The following KCNH5 variants were observed in gnomAD, a reference collection of about 807,000 sequenced individuals.
The protein encoded by KCNH5 is potassium voltage-gated channel subfamily H member 5.
In KCNH5, 46 loss-of-function variants were observed where a neutral mutation model predicts 96.1. The observed-to-expected ratio is 0.48, with a 90% CI of 0.38 to 0.61. KCNH5 has a LOEUF of 0.61. KCNH5 is among the 20% of genes least tolerant of loss of function. The pLI, the probability that KCNH5 is intolerant of heterozygous loss-of-function variation, is 0.00. For missense variants in KCNH5, 907 were observed against 1,225.8 expected, an observed-to-expected ratio of 0.74 and a Z score of 3.88; for synonymous variants, 439 against 449.8, an observed-to-expected ratio of 0.98 and a Z score of 0.30.
At chr14:63,000,297 G>A (rs1890987828) in intron 4 of KCNH5, among the ~76,000 whole-genome samples, 1 of 152,134 alleles carries the variant, frequency 6.6e-6, no homozygotes, top group Non-Finnish European at 1.5e-5. Flanking sequence ...AGTTTCCTAA[G>A]AGATTATTAA....
At chr14:62,805,623 T>A (rs903464104) in intron 8 of KCNH5, among the ~76,000 whole-genome samples, 26 of 152,188 alleles carry the variant, frequency 1.7e-4, no homozygotes, top group Admixed American at 6.6e-5. Context: ...AGTAAAATTA[T>A]CATTCAAGAC....
chr14:62,779,154 C>G (rs1886156106), intron 10 of KCNH5, among the ~76,000 whole-genome samples: 1 of 152,204 alleles, frequency 6.6e-6, no homozygotes. Flanking sequence ...AAATTTGTGT[C>G]ACACTCATTG....
chr14:62,847,874 C>T (rs1437025003), intron 8 of KCNH5, among the ~76,000 whole-genome samples: 1 of 152,200 alleles, frequency 6.6e-6, no homozygotes, highest in Non-Finnish European at 1.5e-5. Context: ...ATGGCATGCA[C>T]ACTTTGAGAC....
In KCNH5 at chr14:62,700,267, G is replaced by A. The variant is rs1396856603; in HGVS notation, c.*7241C>T. ...ATTGCTCTTTCAACAAACTACAATG[G>A]ATGTTTTAGGGTAAAAAAATGGTTC... On this transcript the variant is annotated 3_prime_UTR_variant, in exon 11 of 11. Transcript: ENST00000322893. 6.6e-6 allele frequency: 1 copy of A among 152,136 alleles called. No homozygotes were observed. Among genetic ancestry groups the A allele is most frequent in the Admixed American group, 6.6e-5 (1 of 15,260 alleles). The allele number at this position is 152,136 out of a possible 1,614,324, so 9.4% of individuals were successfully genotyped here.
chr14:62,785,857 A>G (rs574239303), intron 9 of KCNH5, among the ~76,000 whole-genome samples: 2 of 152,282 alleles, frequency 1.3e-5, no homozygotes, highest in East Asian at 3.9e-4. Flanking sequence ...GAGACACATT[A>G]TTTGGTGAGT....
rs1471837851 is a variant in KCNH5, at chr14:62,979,966, G to C, written c.942+906C>G. Among the ~76,000 whole-genome samples, 5 of 152,182 alleles carry C rather than the reference G, an allele frequency of 3.3e-5. No individual in the cohort carries two copies. In the East Asian group the frequency reaches 7.7e-4, roughly 23 times the overall value. On this transcript the variant is annotated intron_variant, in intron 6 of 10. Transcript: ENST00000322893. ...TGGTAATCCCCACATGTCAAGAGAG[G>C]GACCTGGTGAGAGGTGATTAGATTA...
chr14:62,708,210 C>G lies in KCNH5; in HGVS notation c.2265G>C (p.Val755=). 6.2e-7 allele frequency: 1 copy of G among 1,614,232 alleles called. No individual in the cohort carries two copies. Among genetic ancestry groups the G allele is most frequent in the Non-Finnish European group, 8.5e-7 (1 of 1,180,042 alleles). Reference sequence around the variant, plus strand: ...ACGTCTGAATGGGAGTAATCTGTGACACAGTCACCACGCTGGTTCCGGTGA... The same window carrying G: ...ACGTCTGAATGGGAGTAATCTGTGAGACAGTCACCACGCTGGTTCCGGTGA... The part of the protein sequence containing the change: ...ASITGTSVVT[V]SQITPIQTSL... Residue 755 remains valine (V), a synonymous_variant, in exon 11 of 11, where the codon GTG becomes GTC. Coordinates refer to ENST00000322893, the MANE Select transcript of KCNH5 (RefSeq NM_139318.5).
At chr14:62,860,741 C>T (rs1019448820) in intron 7 of KCNH5, among the ~76,000 whole-genome samples, 1 of 152,212 alleles carries the variant, frequency 6.6e-6, no homozygotes, top group Non-Finnish European at 1.5e-5. Context: ...AGGCATCACA[C>T]CCTCCTAGTT....
chr14:63,035,070 A>T (rs1215999408), intron 1 of KCNH5, among the ~76,000 whole-genome samples: 2 of 152,220 alleles, frequency 1.3e-5, no homozygotes, highest in African/African-American at 4.8e-5. Context: ...GAAATTTCTT[A>T]AAATACCTGA....
intron 10 of KCNH5, among the ~76,000 whole-genome samples, chr14:62,752,169 A>C (rs943476172): frequency 1.3e-5 from 2 of 152,048 alleles, no homozygotes; most frequent in Non-Finnish European, 2.9e-5. Context: ...CTTGCCTGAT[A>C]GTGTATATTA....
chr14:63,011,134 CA>C (rs1258152243), intron 2 of KCNH5, among the ~76,000 whole-genome samples: 4 of 151,850 alleles, frequency 2.6e-5, no homozygotes, highest in Non-Finnish European at 4.4e-5. Context: ...GTCGAAGGAT[CA>C]AAAAAGATAA....
Position 62,708,203 on chromosome 14 carries a change from T to C in KCNH5, c.2272A>G (p.Ile758Val). The change falls in exon 11 of 11, where the codon ATT becomes GTT. Residue 758 changes from isoleucine (I) to valine (V), a missense_variant. This residue lies in a region of KCNH5 where 362 missense variants were observed against 394.4 expected (regional missense o/e 0.92). Transcript: ENST00000322893. ...TGTSVVTVSQ[I>V]TPIQTSLAYV... ...GCCAGAGACGTCTGAATGGGAGTAA[T>C]CTGTGACACAGTCACCACGCTGGTT... 6.2e-7 allele frequency: 1 copy of C among 1,614,238 alleles called. No homozygotes were observed. Among genetic ancestry groups the C allele is most frequent in the Non-Finnish European group, 8.5e-7 (1 of 1,180,050 alleles).
intron 7 of KCNH5, among the ~76,000 whole-genome samples, chr14:62,880,126 C>A (rs1888463161): frequency 6.6e-6 from 1 of 152,164 alleles, no homozygotes; most frequent in African/African-American, 2.4e-5. Context: ...CTAAACATTT[C>A]ATTTCAATTC....
Position 62,722,697 on chromosome 14 carries a change from A to G in KCNH5, c.2020-14242T>C, listed in dbSNP as rs185985950. Among the ~76,000 whole-genome samples the G allele has an allele frequency of 1.5e-3, 231 of 152,330 alleles. 1 individual carries two copies. The highest frequency in any genetic ancestry group is 4.9e-3 in the African/African-American group (203 of 41,578). On this transcript the variant is annotated intron_variant, in intron 10 of 10. Coordinates refer to ENST00000322893, the MANE Select transcript of KCNH5 (RefSeq NM_139318.5). Reference sequence around the variant, plus strand: ...GGGACTCTTCGGTATGTATGTGAAAAATAACATCATTTGACATTGGCAAAC... The same window carrying G: ...GGGACTCTTCGGTATGTATGTGAAAGATAACATCATTTGACATTGGCAAAC...
chr14:62,737,511 G>A (rs1885183916), intron 10 of KCNH5, among the ~76,000 whole-genome samples: 1 of 152,108 alleles, frequency 6.6e-6, no homozygotes. Flanking sequence ...AAGAAATCCA[G>A]CCTACCTCAC....
chr14:62,770,660 T>C (rs1443302383), intron 10 of KCNH5, among the ~76,000 whole-genome samples: 1 of 152,192 alleles, frequency 6.6e-6, no homozygotes, highest in Non-Finnish European at 1.5e-5. Flanking sequence ...CTTAAATCAC[T>C]GTAGGGCAGC....
chr14:62,864,731 A>G (rs567772260), intron 7 of KCNH5, among the ~76,000 whole-genome samples: 1 of 152,352 alleles, frequency 6.6e-6, no homozygotes, highest in Admixed American at 6.5e-5. Context: ...TCACATTAGC[A>G]TGTCACAATG....
intron 7 of KCNH5, among the ~76,000 whole-genome samples, chr14:62,866,958 T>C (rs1280764616): frequency 6.6e-6 from 1 of 152,210 alleles, no homozygotes; most frequent in Non-Finnish European, 1.5e-5. Flanking sequence ...CAAAGCCTCC[T>C]GCAACTCAGT....
chr14:62,983,544 C>T lies in KCNH5; in HGVS notation c.550-2280G>A, dbSNP rs371666868. On this transcript the variant is annotated intron_variant, in intron 5 of 10. Transcript: ENST00000322893. ...AATAGAAATTGAAACATCCTATAGA[C>T]CCGTAAAAGTGTTGTGGGGCCCTGG... is the stretch of plus-strand genomic sequence containing the variant. Among the ~76,000 whole-genome samples the T allele has an allele frequency of 2.5e-4, 38 of 152,066 alleles. 1 individual carries two copies. Among genetic ancestry groups the T allele is most frequent in the African/African-American group, 8.4e-4 (35 of 41,454 alleles).
Sources: gnomAD v4.1 joint callset for allele counts (sites outside exome capture counted in the v4.1 genomes callset) on GRCh38, gnomAD v4.1.1 for gene constraint, gnomAD v4.1.1 regional missense constraint, MANE v1.5 for transcripts, NCBI Gene and HGNC (gene_info 2026-07-23, HGNC 2026-07-21) for gene names.